The following UNC79 variants were observed in gnomAD, a reference collection of about 807,000 sequenced individuals.
UNC79 encodes unc-79 subunit of NALCN channel complex.
Under a neutral mutation model 283.1 loss-of-function variants are expected in UNC79, and 37 were observed. That is an observed-to-expected ratio of 0.13 (90% CI 0.10 to 0.17). The LOEUF (loss-of-function observed/expected upper bound fraction) is 0.17. Ranked by LOEUF, UNC79 falls within the 10% of genes least tolerant of loss-of-function variation. The pLI, the probability that UNC79 is intolerant of heterozygous loss-of-function variation, is 1.00. For missense variants in UNC79, 2,272 were observed against 3,211.1 expected (o/e 0.71, Z 7.07); for synonymous variants, 1,107 against 1,200.2 (o/e 0.92, Z 1.61).
chr14:93,683,672 CCAA>C lies in UNC79; in HGVS notation c.6819+987_6819+989del, dbSNP rs1046228368. Among the ~76,000 whole-genome samples, 129 of 152,106 alleles carry C rather than the reference CCAA, an allele frequency of 8.5e-4. 1 individual carries two copies. The highest frequency in any genetic ancestry group is 3.4e-3 in the Middle Eastern group (1 of 294). On this transcript the variant is annotated intron_variant, in intron 42 of 48. Transcript: ENST00000555664. ...AATCAGTAATTAAAAGACGAACATTCCAACAACAACAGAAAAGCAACATATAGG... is the reference window on the plus strand; with the variant it reads ...AATCAGTAATTAAAAGACGAACATTCCAACAACAGAAAAGCAACATATAGG...
intron 19 of UNC79, 107 bp from the exon 20 acceptor site, chr14:93,582,096 G>A: frequency 3.2e-6 from 5 of 1,563,814 alleles, no homozygotes; most frequent in Non-Finnish European, 4.3e-6. Context: ...CAGCAGCATG[G>A]GACCCGAGAC....
chr14:93,361,951 C>G (rs2054236831), intron 1 of UNC79, among the ~76,000 whole-genome samples: 1 of 152,094 alleles, frequency 6.6e-6, no homozygotes, highest in Non-Finnish European at 1.5e-5. Flanking sequence ...TTGGGATGAT[C>G]TTGTGGTTTT....
In UNC79 at chr14:93,621,785, C is replaced by T. The variant is rs139010639; in HGVS notation, c.4552C>T (p.Arg1518Cys). Residue 1518 changes from arginine to cysteine, a missense_variant, in exon 30 of 49, where the codon CGT becomes TGT. Arg to Cys is a radical substitution (Grantham distance 180). Transcript: ENST00000555664. The surrounding 1 kb of genome is among the most constrained non-coding windows in gnomAD (Gnocchi z 4.8). The stretch of plus-strand genomic sequence containing the variant: ...GCTTTTGTTTACATTAGACGAACAT[C>T]GTAGGAAGTCGTGCATAGATCGGTG... 12 of 1,613,590 alleles carry T rather than the reference C, an allele frequency of 7.4e-6. No homozygotes were observed. The highest frequency in any genetic ancestry group is 1.0e-5 in the Non-Finnish European group (12 of 1,179,920).
chr14:93,357,626 C>T (rs1459493776), intron 1 of UNC79, among the ~76,000 whole-genome samples: 1 of 139,072 alleles, frequency 7.2e-6, no homozygotes, highest in Non-Finnish European at 1.5e-5. Flanking sequence ...TGCAGATGGC[C>T]TATTGTGGGA....
intron 1 of UNC79, among the ~76,000 whole-genome samples, chr14:93,364,183 T>C (rs2054282189): frequency 2.0e-5 from 3 of 152,158 alleles, no homozygotes; most frequent in African/African-American, 4.8e-5. Context: ...AGTATACCCA[T>C]GCAACCAGCT....
rs1337420657 is a variant in UNC79, at chr14:93,706,686, C to T, written c.7591-18C>T. 1.9e-6 allele frequency: 3 copies of T among 1,613,786 alleles called. No individual in the cohort carries two copies. Among genetic ancestry groups the T allele is most frequent in the Admixed American group, 1.7e-5 (1 of 59,978 alleles). On this transcript the variant is annotated intron_variant, in intron 48 of 48. Transcript: ENST00000555664. ...CGTGAAAAGAAATAAACTAAAACCT[C>T]TTGCCCTTTTTCGACAGCACTTATC...
At chr14:93,637,459 C>T in intron 32 of UNC79, 160 bp downstream of exon 35, 1 of 1,241,034 alleles carries the variant, frequency 8.1e-7, no homozygotes, top group Non-Finnish European at 1.1e-6. Context: ...CGTGACATCT[C>T]ATCTTTGAAC....
In UNC79 at chr14:93,613,167, G is replaced by T. The variant is rs1033558097; in HGVS notation, c.4041+84G>T. 8 of 1,553,884 alleles carry T rather than the reference G, an allele frequency of 5.1e-6. No individual in the cohort carries two copies. In the Admixed American group the frequency reaches 1.4e-4, roughly 27 times the overall value. Reference sequence around the variant, plus strand: ...ATTACATACCATGTAGCCAACGTTGGTTCAGCATAAAGGTTTGTACAAATT... The same window carrying T: ...ATTACATACCATGTAGCCAACGTTGTTTCAGCATAAAGGTTTGTACAAATT... On this transcript the variant is annotated intron_variant, in intron 27 of 48. Transcript: ENST00000555664.
chr14:93,555,414 T>C (rs1363638676), intron 14 of UNC79, among the ~76,000 whole-genome samples: 1 of 152,144 alleles, frequency 6.6e-6, no homozygotes, highest in African/African-American at 2.4e-5. Context: ...TTTTTTAAAT[T>C]AATTTTTGAG....
chr14:93,570,699 A>G (rs1252091933), intron 14 of UNC79, among the ~76,000 whole-genome samples: 1 of 152,132 alleles, frequency 6.6e-6, no homozygotes, highest in Non-Finnish European at 1.5e-5. Context: ...ATCCTCCCCT[A>G]TGGGTAATTA....
chr14:93,585,137 C>T (rs995156610), intron 20 of UNC79, among the ~76,000 whole-genome samples: 7 of 152,214 alleles, frequency 4.6e-5, no homozygotes, highest in Admixed American at 1.3e-4. Context: ...TCAGACTCTC[C>T]GCTGTCTTGC....
intron 27 of UNC79, 93 bp downstream of exon 28, chr14:93,613,176 A>G: frequency 6.6e-7 from 1 of 1,518,012 alleles, no homozygotes; most frequent in African/African-American, 1.4e-5. Context: ...GGTTCAGCAT[A>G]AAGGTTTGTA....
At chr14:93,683,470 A>G (rs1414275679) in intron 42 of UNC79, among the ~76,000 whole-genome samples, 2 of 152,152 alleles carry the variant, frequency 1.3e-5, no homozygotes, top group South Asian at 4.1e-4. Flanking sequence ...ACTGCAAGGG[A>G]TGATGGGAAA....
At chr14:93,333,215 C>G (rs1247911152), upstream of UNC79, 1 of 375,918 alleles carries the variant, frequency 2.7e-6, no homozygotes, top group African/African-American at 2.2e-5. Flanking sequence ...AGTGCGCGCG[C>G]ATTATTTTTG....
chr14:93,689,222 G>A (rs1420852041), intron 44 of UNC79: 6 of 192,334 alleles, frequency 3.1e-5, no homozygotes, highest in Non-Finnish European at 6.3e-5. Context: ...GGATGAAATC[G>A]GTGCAAGATT....
At chr14:93,578,006 AGAT>A (rs2063568492) in exon 18 of UNC79, 1 of 1,614,144 alleles carries the variant, frequency 6.2e-7, no homozygotes, top group African/African-American at 1.3e-5. Flanking sequence ...TTGATTGTGA[AGAT>A]GATGAAATGA....
intron 1 of UNC79, among the ~76,000 whole-genome samples, chr14:93,455,966 T>C (rs2056786344): frequency 6.6e-6 from 1 of 150,780 alleles, no homozygotes; most frequent in Admixed American, 6.6e-5. Flanking sequence ...AAAGCTCTCA[T>C]TGTTGAGATG....
chr14:93,580,862 T>C (rs1417142262), intron 19 of UNC79, among the ~76,000 whole-genome samples: 1 of 152,074 alleles, frequency 6.6e-6, no homozygotes, highest in Admixed American at 6.6e-5. Context: ...CCCACCACCA[T>C]GCCTGGCTAA....
At chr14:93,494,910 G>A (rs1379853768) in intron 5 of UNC79, among the ~76,000 whole-genome samples, 2 of 152,194 alleles carry the variant, frequency 1.3e-5, no homozygotes, top group Non-Finnish European at 2.9e-5. Flanking sequence ...ATGTTTGCAA[G>A]AAAGCTGCCA....
Sources: gnomAD v4.1 joint callset for allele counts (sites outside exome capture counted in the v4.1 genomes callset) on GRCh38, gnomAD v4.1.1 for gene constraint, Gnocchi (gnomAD v3.1) non-coding constraint, MANE v1.5 for transcripts, NCBI Gene and HGNC (gene_info 2026-07-23, HGNC 2026-07-21) for gene names.